The following KALRN variants were observed in gnomAD, a reference collection of about 807,000 sequenced individuals.
KALRN encodes the protein kalirin.
A neutral mutation model predicts 353.7 loss-of-function variants in KALRN; 70 were observed. That is an observed-to-expected ratio of 0.20 (90% CI 0.16 to 0.24). The LOEUF (loss-of-function observed/expected upper bound fraction) is 0.24, where lower values mean the gene tolerates loss of function less well. Among genes scored for constraint, KALRN ranks in the 10% least tolerant of loss-of-function variants. The probability of loss-of-function intolerance (pLI) is 1.00; values close to 1 mark genes in which losing one functional copy is unlikely to be tolerated. For synonymous variants in KALRN, 1,391 were observed against 1,434.8 expected, an observed-to-expected ratio of 0.97 and a Z score of 0.69; for missense variants, 2,791 against 3,756.7, an observed-to-expected ratio of 0.74 and a Z score of 6.72.
chr3:124,271,005 A>AT (rs1341797071), intron 5 of KALRN, among the ~76,000 whole-genome samples: 5 of 150,608 alleles, frequency 3.3e-5, no homozygotes, highest in East Asian at 2.0e-4. Flanking sequence ...AATTTTTTGT[A>AT]TTTTTTTAGT....
chr3:124,174,078 T>C (rs1222094799), intron 1 of KALRN, among the ~76,000 whole-genome samples: 1 of 152,158 alleles, frequency 6.6e-6, no homozygotes, highest in Admixed American at 6.5e-5. Flanking sequence ...TATTTATCAT[T>C]ATCAAAAAAT....
intron 34 of KALRN, among the ~76,000 whole-genome samples, chr3:124,571,584 G>T (rs1360602245): frequency 6.6e-6 from 1 of 152,078 alleles, no homozygotes; most frequent in Non-Finnish European, 1.5e-5. Flanking sequence ...TTACCTCTAG[G>T]ATCCTTTCCA....
chr3:124,131,820 C>G (rs528289280), intron 1 of KALRN, among the ~76,000 whole-genome samples: 1 of 152,132 alleles, frequency 6.6e-6, no homozygotes, highest in Non-Finnish European at 1.5e-5. Flanking sequence ...GTTTAGACAA[C>G]CCAGGCCCAT....
rs138145758 is a variant in KALRN, at chr3:124,361,721, T to C, written c.1770+14456T>C. ...CCTCCCAAGCCTTTCCAGTTCCTCATTGTAGGTGTGCATATATTACAGGGC... is the reference window on the plus strand; with the variant it reads ...CCTCCCAAGCCTTTCCAGTTCCTCACTGTAGGTGTGCATATATTACAGGGC... On this transcript the variant is annotated intron_variant, in intron 10 of 59. Transcript: ENST00000682506. 2.9e-3 allele frequency among the ~76,000 whole-genome samples: 443 copies of C among 151,990 alleles called. 1 individual carries two copies. The highest frequency in any genetic ancestry group is 0.01 in the African/African-American group (424 of 41,504).
intron 33 of KALRN, among the ~76,000 whole-genome samples, chr3:124,522,508 A>C (rs2067247596): frequency 6.6e-6 from 1 of 152,156 alleles, no homozygotes; most frequent in African/African-American, 2.4e-5. Flanking sequence ...AAAGCTTCTC[A>C]TGGCATGTAC....
intron 1 of KALRN, among the ~76,000 whole-genome samples, chr3:124,142,425 A>T (rs1444456626): frequency 6.6e-6 from 1 of 152,206 alleles, no homozygotes; most frequent in African/African-American, 2.4e-5. Context: ...GGTGCTTAAT[A>T]AATACTTGTT....
At chr3:124,703,573 C>T (rs1442947276) in intron 57 of KALRN, among the ~76,000 whole-genome samples, 1 of 151,894 alleles carries the variant, frequency 6.6e-6, no homozygotes, top group Non-Finnish European at 1.5e-5. Context: ...CCTCCTACCT[C>T]AGCCTCCCAA....
intron 35 of KALRN, among the ~76,000 whole-genome samples, chr3:124,633,508 C>A (rs922413717): frequency 6.6e-6 from 1 of 152,160 alleles, no homozygotes; most frequent in Non-Finnish European, 1.5e-5. Context: ...CTAAGCCTGG[C>A]GGCATTTGGG....
intron 6 of KALRN, among the ~76,000 whole-genome samples, chr3:124,303,880 T>C (rs1206451448): frequency 6.6e-6 from 1 of 152,124 alleles, no homozygotes; most frequent in Admixed American, 6.5e-5. Context: ...TGTTCTCTCT[T>C]TGTTTTGAGG....
At chr3:124,624,268 C>T (rs563143757) in intron 34 of KALRN, among the ~76,000 whole-genome samples, 17 of 152,224 alleles carry the variant, frequency 1.1e-4, no homozygotes, top group Middle Eastern at 3.4e-3. Flanking sequence ...TCAAGTTACC[C>T]GTATTTTACT....
At chr3:124,231,706 A>G (rs1223054780) in intron 2 of KALRN, among the ~76,000 whole-genome samples, 1 of 128,302 alleles carries the variant, frequency 7.8e-6, no homozygotes, top group African/African-American at 2.7e-5. Context: ...GCAGTAAAGA[A>G]CTTTATTTTT....
rs750752559 is a variant in KALRN at position 124,456,715 on chromosome 3, G to A, written c.3841G>A (p.Ala1281Thr). 4 of 1,612,210 alleles carry A rather than the reference G, an allele frequency of 2.5e-6. No homozygotes were observed. The highest frequency in any genetic ancestry group is 3.3e-5 in the Admixed American group (2 of 59,984). Residue 1281 changes from alanine to threonine, a missense_variant, in exon 23 of 60, where the codon GCC (alanine) becomes ACC (threonine). Ala to Thr is a moderately conservative substitution (Grantham distance 58). Coordinates refer to ENST00000682506, the MANE Select transcript of KALRN (RefSeq NM_001388419.1). ...AGTCAATGAAGAGAAGCGGAAGTCA[G>A]CCCGGAAGAAAGAGTACGTGTTGGC... The part of the protein sequence containing the change: ...HEVNEEKRKS[A>T]RKKEFIMAEL...
chr3:124,492,764 G>A lies in KALRN; in HGVS notation c.4714G>A (p.Glu1572Lys). 6.2e-7 allele frequency: 1 copy of A among 1,614,046 alleles called. No individual in the cohort carries two copies. Among genetic ancestry groups the A allele is most frequent in the Non-Finnish European group, 8.5e-7 (1 of 1,180,006 alleles). ...LKASNIETKQ[E>K]WIKNIREVIQ... Reference sequence around the variant, plus strand: ...GGCCTCCAACATTGAAACCAAGCAGGAGTGGATCAAGAACATTCGAGAAGT... The same window carrying A: ...GGCCTCCAACATTGAAACCAAGCAGAAGTGGATCAAGAACATTCGAGAAGT... Residue 1572 changes from glutamate (E) to lysine (K), a missense_variant, in exon 32 of 60, where the codon GAG becomes AAG. Coordinates refer to ENST00000682506, the MANE Select transcript of KALRN (RefSeq NM_001388419.1).
At chr3:124,075,085 T>A (rs189924692) in intron 1 of KALRN, among the ~76,000 whole-genome samples, 4 of 152,372 alleles carry the variant, frequency 2.6e-5, no homozygotes, top group Admixed American at 6.5e-5. Context: ...TCAGTAGTCC[T>A]ATTCTTAAGC....
chr3:124,225,549 C>T (rs1480209567), intron 1 of KALRN, among the ~76,000 whole-genome samples: 2 of 152,162 alleles, frequency 1.3e-5, no homozygotes, highest in Admixed American at 6.5e-5. Context: ...TTGACATTTA[C>T]TGGAGCCCAT....
intron 1 of KALRN, among the ~76,000 whole-genome samples, chr3:124,044,893 C>T (rs1559863645): frequency 7.1e-5 from 1 of 13,992 alleles, no homozygotes; most frequent in Non-Finnish European, 2.1e-4. Context: ...TTCCTTCCTT[C>T]CTTCCTTCCT....
chr3:124,153,363 C>T (rs951243087), intron 1 of KALRN, among the ~76,000 whole-genome samples: 41 of 148,842 alleles, frequency 2.8e-4, no homozygotes, highest in African/African-American at 9.7e-4. Context: ...TGAGAACATG[C>T]GGTGTTTCGT....
chr3:124,265,298 C>CT lies in KALRN; in HGVS notation c.456+622dup, dbSNP rs3054177. ...CTAGTAACTAATTTAAGAAAATATTCTTTTTTTTTTTTTTGAGATAGAGTC... is the reference window on the plus strand; with the variant it reads ...CTAGTAACTAATTTAAGAAAATATTCTTTTTTTTTTTTTTTGAGATAGAGTC... On this transcript the variant is annotated intron_variant, in intron 4 of 59. Transcript: ENST00000682506. Among the ~76,000 whole-genome samples the CT allele has an allele frequency of 1.2e-3, 86 of 73,112 alleles. 12 individuals carry two copies. The highest frequency in any genetic ancestry group is 1.1e-3 in the Non-Finnish European group (41 of 36,814). 48.0% of individuals were successfully genotyped at this position (73,112 alleles called of 152,430 possible).
intron 1 of KALRN, among the ~76,000 whole-genome samples, chr3:124,173,099 T>C (rs190094864): frequency 1.7e-3 from 258 of 152,000 alleles, no homozygotes; most frequent in Admixed American, 3.7e-3. Flanking sequence ...AGATTGGTGA[T>C]TGGGGGGTGG....
Sources: allele counts gnomAD v4.1 joint callset (sites outside exome capture counted in the v4.1 genomes callset), GRCh38; gene constraint gnomAD v4.1.1; transcripts MANE v1.5; gene names NCBI Gene and HGNC (gene_info 2026-07-23, HGNC 2026-07-21).